GLIS3: variants seen among roughly 807,000 people sequenced by gnomAD.
GLIS3 encodes zinc finger protein GLIS3.
GLIS3 carries 53 observed loss-of-function variants against 78.6 expected under a neutral mutation model. That is an observed-to-expected ratio of 0.67 (90% confidence interval 0.54 to 0.85). The LOEUF is 0.85. GLIS3 is among the 40% of genes least tolerant of loss of function. GLIS3 has a pLI of 0.00. For synonymous variants in GLIS3, 684 were observed against 509.9 expected, an observed-to-expected ratio of 1.34 and a Z score of -4.60; for missense variants, 1,703 against 1,231.1, an observed-to-expected ratio of 1.38 and a Z score of -5.74.
the GLIS3 span, among the ~76,000 whole-genome samples, chr9:4,449,237 C>T: frequency 7.4e-4 from 112 of 152,310 alleles, 2 homozygotes; most frequent in South Asian, 0.022. Flanking sequence ...AGTCTGACAT[C>T]AACCTGCGAA....
Position 4,084,805 on chromosome 9 carries a change from C to T in GLIS3, c.1710+32963G>A, listed in dbSNP as rs139521827. 4.6e-5 allele frequency among the ~76,000 whole-genome samples: 7 copies of T among 152,152 alleles called. No homozygotes were observed. The East Asian group carries it at 1.4e-3, about 29-fold the overall frequency. On this transcript the variant is annotated intron_variant, in intron 4 of 10. Transcript: ENST00000381971. ...GACTGACGCTGTTTCTAGAACACCACGTTAGGACTGTGGCCATTAATCTGT... is the reference window on the plus strand; with the variant it reads ...GACTGACGCTGTTTCTAGAACACCATGTTAGGACTGTGGCCATTAATCTGT...
At chr9:3,970,604 G>A (rs1818308571) in intron 4 of GLIS3, among the ~76,000 whole-genome samples, 2 of 152,134 alleles carry the variant, frequency 1.3e-5, no homozygotes, top group Admixed American at 1.3e-4. Flanking sequence ...TCATAACAAA[G>A]AACTATCTGG....
At chr9:3,857,067 G>A (rs1474214291) in intron 8 of GLIS3, among the ~76,000 whole-genome samples, 1 of 152,178 alleles carries the variant, frequency 6.6e-6, no homozygotes, top group Non-Finnish European at 1.5e-5. Flanking sequence ...GTTACAGTTT[G>A]GCAATGTCTA....
intron 4 of GLIS3, among the ~76,000 whole-genome samples, chr9:4,029,819 C>T (rs905962291): frequency 2.0e-5 from 3 of 152,094 alleles, no homozygotes; most frequent in Admixed American, 6.6e-5. Flanking sequence ...TGTATATATA[C>T]CACATTTTTT....
chr9:4,082,739 C>T (rs926692984), intron 4 of GLIS3, among the ~76,000 whole-genome samples: 2 of 152,210 alleles, frequency 1.3e-5, no homozygotes, highest in African/African-American at 4.8e-5. Context: ...TCTACAAACA[C>T]TGCTTTGTAA....
intron 4 of GLIS3, among the ~76,000 whole-genome samples, chr9:4,015,450 G>T (rs1822355737): frequency 6.6e-6 from 1 of 152,184 alleles, no homozygotes; most frequent in Non-Finnish European, 1.5e-5. Flanking sequence ...AGCATGCACA[G>T]AACTATGTCT....
chr9:4,130,520 G>A (rs1832897453), intron 2 of GLIS3, among the ~76,000 whole-genome samples: 1 of 152,212 alleles, frequency 6.6e-6, no homozygotes, highest in Non-Finnish European at 1.5e-5. Context: ...TCCAGTCTTG[G>A]CTCAAAGGGG....
At chr9:4,350,805 TTTTGTTTTTGTTTTTG>T (rs946745505), upstream of GLIS3, among the ~76,000 whole-genome samples, 4 of 151,986 alleles carry the variant, frequency 2.6e-5, no homozygotes, top group African/African-American at 9.7e-5. Context: ...TTTTGTTTTG[TTTTGTTTTTGTTTTTG>T]TTTGTTTTTG....
intron 2 of GLIS3, among the ~76,000 whole-genome samples, chr9:4,203,579 C>T (rs1004502722): frequency 4.6e-5 from 7 of 151,908 alleles, no homozygotes; most frequent in Non-Finnish European, 8.8e-5. Context: ...ACTATTTCAC[C>T]CCACAATCCC....
intron 1 of GLIS3, among the ~76,000 whole-genome samples, chr9:4,298,028 C>T (rs954592963): frequency 3.3e-5 from 5 of 152,186 alleles, no homozygotes; most frequent in South Asian, 2.1e-4. Flanking sequence ...CGCCCCTAAC[C>T]CTCGGCCCCG....
intron 2 of GLIS3, among the ~76,000 whole-genome samples, chr9:4,323,481 A>C (rs758204230): frequency 3.3e-5 from 5 of 152,092 alleles, no homozygotes; most frequent in Non-Finnish European, 7.4e-5. Context: ...ATTCATTTAT[A>C]TTACTGTGTA....
intron 2 of GLIS3, among the ~76,000 whole-genome samples, chr9:4,270,587 G>A (rs1398292190): frequency 1.3e-5 from 2 of 152,212 alleles, no homozygotes; most frequent in Non-Finnish European, 2.9e-5. Context: ...CTGCTGGCCA[G>A]AGGTCACACA....
chr9:4,447,608 G>C, the GLIS3 span, among the ~76,000 whole-genome samples: 464 of 152,264 alleles, frequency 3.0e-3, 4 homozygotes, highest in African/African-American at 0.011. Context: ...TTGCTTAGAA[G>C]TGACCACTAA....
intron 4 of GLIS3, among the ~76,000 whole-genome samples, chr9:3,939,553 C>A (rs1287559464): frequency 6.6e-6 from 1 of 152,134 alleles, no homozygotes; most frequent in Non-Finnish European, 1.5e-5. Context: ...ACATCCTGAC[C>A]ATTTTCAAAT....
the GLIS3 span, among the ~76,000 whole-genome samples, chr9:4,378,480 G>T: frequency 1.3e-5 from 2 of 151,988 alleles, no homozygotes; most frequent in African/African-American, 4.8e-5. Context: ...GAAGAACCAG[G>T]AAGAGAAGGC....
At chr9:3,896,670 T>TAATTAAA (rs756694471) in intron 7 of GLIS3, among the ~76,000 whole-genome samples, 2 of 49,980 alleles carry the variant, frequency 4.0e-5, no homozygotes, top group African/African-American at 1.7e-4. Context: ...CCATCTCAAT[T>TAATTAAA]AAAAAAAAAA....
intron 2 of GLIS3, among the ~76,000 whole-genome samples, chr9:4,198,008 G>A (rs12001102): frequency 0.048 from 7,335 of 152,170 alleles, 624 homozygotes; most frequent in African/African-American, 0.17. Context: ...AAAAATTCCT[G>A]CCTGCATGAA....
intron 4 of GLIS3, among the ~76,000 whole-genome samples, chr9:4,071,551 A>T (rs1827613510): frequency 6.6e-6 from 1 of 152,232 alleles, no homozygotes; most frequent in Non-Finnish European, 1.5e-5. Flanking sequence ...TACCCTGGAT[A>T]TCAGATTTTG....
the GLIS3 span, among the ~76,000 whole-genome samples, chr9:4,355,014 G>C: frequency 5.3e-5 from 8 of 151,990 alleles, no homozygotes; most frequent in African/African-American, 1.9e-4. Flanking sequence ...TACTCGGGAG[G>C]CTGAAGTGGG....
Sources: gnomAD v4.1 joint callset for allele counts (sites outside exome capture counted in the v4.1 genomes callset) on GRCh38, gnomAD v4.1.1 for gene constraint, MANE v1.5 for transcripts, NCBI Gene and HGNC (gene_info 2026-07-23, HGNC 2026-07-21) for gene names.